SERPINB7: variants seen among roughly 807,000 people sequenced by gnomAD.
SERPINB7 encodes the protein serpin family B member 7.
A neutral mutation model predicts 37.4 loss-of-function variants in SERPINB7; 31 were observed. The ratio of observed to expected loss-of-function variants is 0.83; its 90% CI spans 0.62 to 1.12. SERPINB7 has a LOEUF of 1.12. Among genes scored for constraint, SERPINB7 ranks in the 50% most tolerant of loss-of-function variants. The pLI, the probability that SERPINB7 is intolerant of heterozygous loss-of-function variation, is 0.00. For synonymous variants in SERPINB7, 163 were observed against 166.1 expected (o/e 0.98, Z 0.14); for missense variants, 521 against 455.3 (o/e 1.14, Z -1.31).
chr18:63,775,290 A>G (rs1236034215), upstream of SERPINB7: 3 of 152,200 alleles, frequency 2.0e-5, no homozygotes, highest in African/African-American at 7.2e-5. Flanking sequence ...TGAATGAACT[A>G]CATAACAACC....
chr18:63,761,126 C>G (rs895972780), intron 1 of SERPINB7, among the ~76,000 whole-genome samples: 1 of 152,202 alleles, frequency 6.6e-6, no homozygotes. Flanking sequence ...CTGTATCCTG[C>G]AAAGCCACAG....
chr18:63,753,751 T>C (rs566089782), intron 1 of SERPINB7, among the ~76,000 whole-genome samples: 2 of 152,320 alleles, frequency 1.3e-5, no homozygotes, highest in African/African-American at 4.8e-5. Flanking sequence ...TTGGCAACTT[T>C]AGCAACAATT....
chr18:63,796,556 ATCTTAATAATT>A (rs1309161421), intron 5 of SERPINB7, among the ~76,000 whole-genome samples, 173 bp downstream of exon 5: 5 of 152,190 alleles, frequency 3.3e-5, no homozygotes, highest in Admixed American at 3.3e-4. Context: ...GTTTGGAATA[ATCTTAATAATT>A]TGAATGCTTT....
chr18:63,754,429 T>C (rs2049108814), intron 1 of SERPINB7, among the ~76,000 whole-genome samples: 1 of 152,208 alleles, frequency 6.6e-6, no homozygotes, highest in African/African-American at 2.4e-5. Flanking sequence ...CTTGGTCTCG[T>C]TGCCATAGGT....
intron 1 of SERPINB7, among the ~76,000 whole-genome samples, chr18:63,780,693 T>G (rs190805921): frequency 6.6e-6 from 1 of 152,316 alleles, no homozygotes; most frequent in East Asian, 1.9e-4. Context: ...AGTAAAGATA[T>G]GTGGGGTGTG....
chr18:63,767,420 A>G (rs1000234753), intron 1 of SERPINB7, among the ~76,000 whole-genome samples: 3 of 152,136 alleles, frequency 2.0e-5, no homozygotes, highest in African/African-American at 4.8e-5. Context: ...TCCCAGATCA[A>G]TCTGTTGATA....
At chr18:63,770,796 A>G (rs539870135), upstream of SERPINB7, among the ~76,000 whole-genome samples, 5 of 152,182 alleles carry the variant, frequency 3.3e-5, no homozygotes, top group South Asian at 1.0e-3. Context: ...AGAGTTCAAT[A>G]GATTCATATT....
At chr18:63,789,160 G>T (rs2049401678) in intron 2 of SERPINB7, among the ~76,000 whole-genome samples, 1 of 152,090 alleles carries the variant, frequency 6.6e-6, no homozygotes, top group African/African-American at 2.4e-5. Context: ...AGCCTTTACT[G>T]GTTAAACTTT....
rs1055888097 is a variant in SERPINB7, at chr18:63,785,774, C to T, written c.168+3234C>T. ...TTATTTTCATTTAGATCTAATAATGCTGTTCTTTCTTATAGTGTTTGAATA... is the reference window on the plus strand; with the variant it reads ...TTATTTTCATTTAGATCTAATAATGTTGTTCTTTCTTATAGTGTTTGAATA... On this transcript the variant is annotated intron_variant, in intron 2 of 7. Transcript: ENST00000398019. Among the ~76,000 whole-genome samples the T allele has an allele frequency of 2.6e-5, 4 of 150,954 alleles. No individual in the cohort carries two copies. The East Asian group carries it at 7.8e-4, about 29-fold the overall frequency.
intron 1 of SERPINB7, among the ~76,000 whole-genome samples, chr18:63,776,956 A>G (rs541058167): frequency 6.6e-6 from 1 of 152,046 alleles, no homozygotes; most frequent in Admixed American, 6.6e-5. Context: ...CTGATAGCAT[A>G]TTCACCTTAG....
In SERPINB7 at chr18:63,793,340, G is replaced by A. The variant is rs867992105; in HGVS notation, c.336+63G>A. ...TGTTAAATCCATTATCTGAACAAAG[G>A]CTTGTGTCTTTCTACTGAGCAATAC... On this transcript the variant is annotated intron_variant, in intron 4 of 7. Coordinates refer to ENST00000398019, the MANE Select transcript of SERPINB7 (RefSeq NM_003784.4). 1.1e-5 allele frequency: 9 copies of A among 852,396 alleles called. 1 individual carries two copies. The Middle Eastern group carries it at 9.4e-4, about 89-fold the overall frequency. The allele number at this position is 852,396 out of a possible 1,614,324, so 52.8% of individuals were successfully genotyped here.
In SERPINB7 at chr18:63,782,541, G is replaced by T. The variant is rs1320338830; in HGVS notation, c.168+1G>T. On this transcript the variant is annotated splice_donor_variant, in intron 2 of 7. Transcript: ENST00000398019. LOFTEE classifies it high-confidence loss of function. ...TGACTCCCTCTCTCAGATTGATAAG[G>T]TCAGTCTCAGCTTTTGCAGTTAATC... 6.2e-7 allele frequency: 1 copy of T among 1,607,932 alleles called. No individual in the cohort carries two copies. The highest frequency in any genetic ancestry group is 1.3e-5 in the African/African-American group (1 of 74,712).
At position 63,790,662 on chromosome 18, in the gene SERPINB7, G is replaced by A. The variant is rs1307628075; in HGVS notation, c.169-1731G>A. Among the ~76,000 whole-genome samples the A allele has an allele frequency of 2.6e-5, 4 of 152,020 alleles. No homozygotes were observed. The South Asian group carries it at 6.2e-4, about 24-fold the overall frequency. Reference sequence around the variant, plus strand: ...ATTCTAATTATGAGTTTGTATTCTCGATAAGCTGAAAGTTAGGGGAAGCTC... The same window carrying A: ...ATTCTAATTATGAGTTTGTATTCTCAATAAGCTGAAAGTTAGGGGAAGCTC... On this transcript the variant is annotated intron_variant, in intron 2 of 7. Coordinates refer to ENST00000398019, the MANE Select transcript of SERPINB7 (RefSeq NM_003784.4).
chr18:63,756,144 T>G (rs1312421412), intron 1 of SERPINB7, among the ~76,000 whole-genome samples: 2 of 152,008 alleles, frequency 1.3e-5, no homozygotes, highest in African/African-American at 2.4e-5. Flanking sequence ...ATTTAGTGTT[T>G]ACACATGAAC....
At chr18:63,778,602 T>C (rs2049273111) in intron 1 of SERPINB7, among the ~76,000 whole-genome samples, 1 of 152,124 alleles carries the variant, frequency 6.6e-6, no homozygotes, top group African/African-American at 2.4e-5. Context: ...CATAACTTTA[T>C]GTTTTATTGA....
chr18:63,764,528 T>A (rs1213856363), intron 1 of SERPINB7, among the ~76,000 whole-genome samples: 1 of 152,132 alleles, frequency 6.6e-6, no homozygotes, highest in Admixed American at 6.5e-5. Context: ...TATTCTTAGG[T>A]AACAGGTGAC....
intron 1 of SERPINB7, among the ~76,000 whole-genome samples, chr18:63,765,613 C>T (rs2049176672): frequency 6.6e-6 from 1 of 152,082 alleles, no homozygotes; most frequent in East Asian, 1.9e-4. Context: ...TTTTCCTCAT[C>T]CTATGCCACT....
At chr18:63,766,267 A>G (rs570201675) in intron 1 of SERPINB7, among the ~76,000 whole-genome samples, 145 of 152,262 alleles carry the variant, frequency 9.5e-4, no homozygotes, top group Middle Eastern at 6.8e-3. Context: ...CCCGTTTCCC[A>G]TTAGTTTTCT....
At chr18:63,784,467 C>A (rs1024002414) in intron 2 of SERPINB7, among the ~76,000 whole-genome samples, 1 of 152,156 alleles carries the variant, frequency 6.6e-6, no homozygotes, top group Admixed American at 6.5e-5. Flanking sequence ...TGAAATATAG[C>A]TCAAAGTACA....
Sources: allele counts gnomAD v4.1 joint callset (sites outside exome capture counted in the v4.1 genomes callset), GRCh38; gene constraint gnomAD v4.1.1; transcripts MANE v1.5; gene names NCBI Gene and HGNC (gene_info 2026-07-23, HGNC 2026-07-21).